The following POLQ variants were observed in gnomAD, a reference collection of about 807,000 sequenced individuals.
POLQ encodes DNA polymerase theta.
A neutral mutation model predicts 259.2 loss-of-function variants in POLQ; 233 were observed. The ratio of observed to expected loss-of-function variants is 0.90; its 90% CI spans 0.81 to 1.00. The LOEUF (loss-of-function observed/expected upper bound fraction) is 1.00, where lower values mean the gene tolerates loss of function less well. Ranked by LOEUF, POLQ falls within the 50% of genes least tolerant of loss-of-function variation. The pLI is 0.00. For synonymous variants in POLQ, 1,025 were observed against 1,048.8 expected (o/e 0.98, Z 0.44); for missense variants, 2,871 against 3,051.6 (o/e 0.94, Z 1.39).
intron 26 of POLQ, among the ~76,000 whole-genome samples, chr3:121,446,136 T>C (rs1271892962): frequency 6.6e-6 from 1 of 152,168 alleles, no homozygotes; most frequent in East Asian, 1.9e-4. Flanking sequence ...TGGTGTGTTG[T>C]ATTTCCATTG....
In POLQ at chr3:121,510,164, T is replaced by A; in HGVS notation, c.1691A>T (p.Lys564Ile). ...TCTCTGAATTCCTTGCTTCCCTTCT[T>A]TCATACTTGCAGCCAAAAATGTGCA... ...AACTFLAASMKEGKQGIQRNQ... is the reference protein window; with the variant it reads ...AACTFLAASMIEGKQGIQRNQ... The change falls in exon 11 of 30, where the codon AAA becomes ATA. Residue 564 changes from lysine (K) to isoleucine (I), a missense_variant. By Grantham distance (102) the Lys-to-Ile change is moderately radical (BLOSUM62 -3). Around this residue, in one of 3 missense-constraint regions of POLQ, gnomAD observed 783 missense variants for 906.2 expected, o/e 0.86. Coordinates refer to ENST00000264233, the MANE Select transcript of POLQ (RefSeq NM_199420.4). The A allele has an allele frequency of 9.9e-6, 16 of 1,614,086 alleles. No individual in the cohort carries two copies. Among genetic ancestry groups the A allele is most frequent in the Non-Finnish European group, 1.3e-5 (15 of 1,179,902 alleles).
At chr3:121,450,964 ATTTC>A (rs1350198811) in intron 25 of POLQ, among the ~76,000 whole-genome samples, 14 of 151,922 alleles carry the variant, frequency 9.2e-5, no homozygotes, top group Middle Eastern at 3.4e-3. Flanking sequence ...ATAGTCCCCT[ATTTC>A]TTGGAGGCTT....
At chr3:121,445,989 G>A (rs984953781) in intron 26 of POLQ, among the ~76,000 whole-genome samples, 2 of 150,898 alleles carry the variant, frequency 1.3e-5, no homozygotes, top group Admixed American at 1.3e-4. Context: ...TTTTGGATTT[G>A]CCTTGCTCTT....
chr3:121,449,718 C>T (rs1441034938), intron 25 of POLQ, among the ~76,000 whole-genome samples: 2 of 152,176 alleles, frequency 1.3e-5, no homozygotes, highest in African/African-American at 2.4e-5. Flanking sequence ...ATCCAGCAGT[C>T]TTTATAGCAA....
rs772773508 is a variant in POLQ, at chr3:121,522,156, C to CA, written c.1109-8dup. ...TCAGAGGGTTTCACCAATCCTGTCA[C>CA]AAAAAAATTATCAACACCATTTGCT... On this transcript the variant is annotated splice_region_variant and splice_polypyrimidine_tract_variant and intron_variant, in intron 7 of 29. Transcript: ENST00000264233. 109 of 1,587,164 alleles carry CA rather than the reference C, an allele frequency of 6.9e-5. No homozygotes were observed. Among genetic ancestry groups the CA allele is most frequent in the Non-Finnish European group, 8.4e-5 (99 of 1,171,732 alleles).
chr3:121,530,536 T>C (rs554309404), intron 6 of POLQ, among the ~76,000 whole-genome samples: 14 of 152,156 alleles, frequency 9.2e-5, no homozygotes, highest in Non-Finnish European at 2.1e-4. Context: ...TTTACGGTGT[T>C]TTGAGGCCTC....
intron 3 of POLQ, among the ~76,000 whole-genome samples, chr3:121,540,593 T>C (rs2048482973): frequency 6.6e-6 from 1 of 152,212 alleles, no homozygotes. Flanking sequence ...CCTGGAGCTT[T>C]ACCTAAGCAC....
chr3:121,452,401 G>A (rs188284377), intron 25 of POLQ, among the ~76,000 whole-genome samples: 5 of 152,074 alleles, frequency 3.3e-5, no homozygotes, highest in Admixed American at 1.3e-4. Flanking sequence ...GTTCCAATTC[G>A]GCCATCTTGG....
rs768766161 is a variant in POLQ at position 121,488,163 on chromosome 3, C to T, written c.4768G>A (p.Ala1590Thr). The T allele has an allele frequency of 1.1e-5, 18 of 1,613,172 alleles. No homozygotes were observed. Among genetic ancestry groups the T allele is most frequent in the South Asian group, 7.7e-5 (7 of 91,018 alleles). Residue 1590 changes from alanine to threonine, a missense_variant, in exon 16 of 30, where the codon GCA becomes ACA. Around this residue, in one of 3 missense-constraint regions of POLQ, gnomAD observed 2,080 missense variants for 2,126.0 expected, o/e 0.98. Transcript: ENST00000264233. ...EKNHTVVSPR[A>T]LELSDPVLDE... ...AGTACTGGATCACTTAGTTCTAATG[C>T]TCTAGGAGATACTACAGTATGATTC...
At chr3:121,480,861 G>A (rs1411064714) in intron 19 of POLQ, among the ~76,000 whole-genome samples, 5 of 152,074 alleles carry the variant, frequency 3.3e-5, no homozygotes, top group Non-Finnish European at 7.4e-5. Flanking sequence ...CCAAACCCTA[G>A]TCTGTATGAA....
chr3:121,450,129 T>C (rs1190117738), intron 25 of POLQ, among the ~76,000 whole-genome samples: 1 of 152,190 alleles, frequency 6.6e-6, no homozygotes, highest in Admixed American at 6.5e-5. Flanking sequence ...AATTTCTTCA[T>C]CTACAAAATG....
intron 16 of POLQ, among the ~76,000 whole-genome samples, chr3:121,486,035 T>G (rs2048008189): frequency 6.6e-6 from 1 of 152,220 alleles, no homozygotes. Flanking sequence ...TACATAGCCT[T>G]ATTTGACCAA....
At chr3:121,520,545 C>CA (rs1011066471) in intron 8 of POLQ, among the ~76,000 whole-genome samples, 59 of 151,812 alleles carry the variant, frequency 3.9e-4, no homozygotes, top group South Asian at 1.2e-3. Flanking sequence ...ACAACAATAA[C>CA]AAAAAAAGAG....
intron 8 of POLQ, among the ~76,000 whole-genome samples, 178 bp from the exon 9 acceptor site, chr3:121,520,261 C>T (rs907309663): frequency 5.3e-5 from 8 of 152,066 alleles, no homozygotes; most frequent in African/African-American, 1.2e-4. Context: ...TCTGGCCGGG[C>T]GCGGTGGCTC....
chr3:121,540,606 A>G (rs1005247950), intron 3 of POLQ, among the ~76,000 whole-genome samples: 1 of 152,222 alleles, frequency 6.6e-6, no homozygotes, highest in Non-Finnish European at 1.5e-5. Flanking sequence ...CTAAGCACCA[A>G]TGGATCTTGA....
At chr3:121,525,145 T>C (rs1214114308) in intron 7 of POLQ, among the ~76,000 whole-genome samples, 1 of 151,966 alleles carries the variant, frequency 6.6e-6, no homozygotes, top group African/African-American at 2.4e-5. Context: ...ATCGAGACCA[T>C]CCTGGCTAAC....
In POLQ at chr3:121,472,087, A is replaced by G; in HGVS notation, c.6621T>C (p.Ile2207=). ...GCTGAAGGGGAAAGACCACTTTGGT[A>G]ATAGCATTAGTGATTCTTCTCCATT... ...ILEWRRITNA[I]TKVVFPLQRE... The change falls in exon 22 of 30, where the codon ATT becomes ATC. Residue 2207 remains isoleucine (I), a synonymous_variant. Transcript: ENST00000264233. 1 of 1,579,212 alleles carries G rather than the reference A, an allele frequency of 6.3e-7. No individual in the cohort carries two copies. Among genetic ancestry groups the G allele is most frequent in the South Asian group, 1.1e-5 (1 of 88,414 alleles).
chr3:121,467,595 T>C lies in POLQ; in HGVS notation c.6891A>G (p.Ala2297=). Residue 2297 remains alanine, a synonymous_variant, in exon 24 of 30, where the codon GCA becomes GCG. Coordinates refer to ENST00000264233, the MANE Select transcript of POLQ (RefSeq NM_199420.4). ...TGTCTGCAGCTCTCTCCTCCATCTG[T>C]GCCTGGCATCTAGGATTCACGCTGA... The part of the protein sequence containing the change: ...KGFSVNPRCQ[A]QMEERAADRG... 1 of 1,613,954 alleles carries C rather than the reference T, an allele frequency of 6.2e-7. No individual in the cohort carries two copies. The highest frequency in any genetic ancestry group is 8.5e-7 in the Non-Finnish European group (1 of 1,179,806).
chr3:121,482,730 G>C (rs1466300154), intron 18 of POLQ, among the ~76,000 whole-genome samples: 3 of 151,840 alleles, frequency 2.0e-5, no homozygotes. Context: ...AACTGGATTA[G>C]AATAAGGGAA....
Sources: allele counts gnomAD v4.1 joint callset (sites outside exome capture counted in the v4.1 genomes callset), GRCh38; gene constraint gnomAD v4.1.1; regional missense constraint gnomAD v4.1.1; transcripts MANE v1.5; gene names NCBI Gene and HGNC (gene_info 2026-07-23, HGNC 2026-07-21).